The following CTNNA2 variants were observed in gnomAD, a reference collection of about 807,000 sequenced individuals.
CTNNA2 encodes catenin alpha-2.
CTNNA2 carries 42 observed loss-of-function variants against 101.0 expected under a neutral mutation model. That is an observed-to-expected ratio of 0.42 (90% CI 0.32 to 0.54). The LOEUF is 0.54. Among genes scored for constraint, CTNNA2 ranks in the 20% least tolerant of loss-of-function variants. The pLI, the probability that CTNNA2 is intolerant of heterozygous loss-of-function variation, is 0.14. For missense variants in CTNNA2, 871 were observed against 1,223.1 expected, an observed-to-expected ratio of 0.71 and a Z score of 4.29; for synonymous variants, 450 against 456.4, an observed-to-expected ratio of 0.99 and a Z score of 0.18.
intron 7 of CTNNA2, among the ~76,000 whole-genome samples, chr2:79,967,077 T>G (rs981715108): frequency 1.3e-5 from 2 of 151,008 alleles, no homozygotes; most frequent in Non-Finnish European, 2.9e-5. Flanking sequence ...AGCCCTGACT[T>G]CTCTGTGCTC....
intron 9 of CTNNA2, among the ~76,000 whole-genome samples, chr2:80,425,386 A>G (rs1680901891): frequency 6.6e-6 from 1 of 152,148 alleles, no homozygotes; most frequent in African/African-American, 2.4e-5. Context: ...TTTGCGACTT[A>G]CATACCTCAA....
intron 3 of CTNNA2, among the ~76,000 whole-genome samples, chr2:79,806,092 TTTAG>T (rs1428154763): frequency 2.0e-5 from 3 of 152,172 alleles, no homozygotes; most frequent in South Asian, 2.1e-4. Flanking sequence ...TCTCAAACTC[TTTAG>T]TTAGTTATAC....
intron 9 of CTNNA2, among the ~76,000 whole-genome samples, chr2:80,536,827 C>G (rs115627628): frequency 0.019 from 2,858 of 152,272 alleles, 85 homozygotes; most frequent in African/African-American, 0.065. Flanking sequence ...CTGAATTGTA[C>G]AGCCACGATG....
At chr2:79,582,947 G>C (rs1357914750) in intron 1 of CTNNA2, among the ~76,000 whole-genome samples, 1 of 151,950 alleles carries the variant, frequency 6.6e-6, no homozygotes, top group East Asian at 1.9e-4. Context: ...GTAGTTTTGT[G>C]TATCTCTTCC....
Position 80,571,712 on chromosome 2 carries a change from C to T in CTNNA2, c.1742-2451C>T, listed in dbSNP as rs555869099. ...ATTCACTTTAATATATTGACTGTCC[C>T]CTGACTCACATCCCTAAGTCTGTTT... On this transcript the variant is annotated intron_variant, in intron 12 of 18. Coordinates refer to ENST00000402739, the MANE Select transcript of CTNNA2 (RefSeq NM_001282597.3). Among the ~76,000 whole-genome samples the T allele has an allele frequency of 3.9e-5, 6 of 152,210 alleles. No homozygotes were observed. In the South Asian group the frequency reaches 1.2e-3, roughly 32 times the overall value.
At chr2:79,836,374 T>G (rs2103814294) in intron 3 of CTNNA2, among the ~76,000 whole-genome samples, 1 of 152,314 alleles carries the variant, frequency 6.6e-6, no homozygotes, top group South Asian at 2.1e-4. Flanking sequence ...GGCTGAATTA[T>G]TTTTCAGTGC....
chr2:79,635,985 G>C (rs1181649945), intron 1 of CTNNA2, among the ~76,000 whole-genome samples: 1 of 151,060 alleles, frequency 6.6e-6, no homozygotes, highest in Admixed American at 6.6e-5. Flanking sequence ...TGGGGGGCCG[G>C]GTGCGGTGGC....
At chr2:80,382,454 T>G (rs1005042860) in intron 7 of CTNNA2, among the ~76,000 whole-genome samples, 9 of 152,210 alleles carry the variant, frequency 5.9e-5, no homozygotes, top group African/African-American at 2.2e-4. Context: ...CATCGGAAAT[T>G]CAATTAACAA....
At chr2:79,597,378 A>G (rs1336925599) in intron 1 of CTNNA2, among the ~76,000 whole-genome samples, 3 of 151,634 alleles carry the variant, frequency 2.0e-5, no homozygotes, top group Middle Eastern at 3.2e-3. Flanking sequence ...AGGCTGAGTC[A>G]GGAGAATGGT....
At chr2:80,418,564 T>G (rs1301879753) in intron 8 of CTNNA2, among the ~76,000 whole-genome samples, 1 of 152,224 alleles carries the variant, frequency 6.6e-6, no homozygotes, top group Non-Finnish European at 1.5e-5. Flanking sequence ...GATTTGTTCT[T>G]AATTTTCCTT....
At chr2:80,090,886 T>A (rs1297905086) in intron 7 of CTNNA2, among the ~76,000 whole-genome samples, 2 of 152,124 alleles carry the variant, frequency 1.3e-5, no homozygotes, top group Non-Finnish European at 2.9e-5. Flanking sequence ...TCTCATTTTT[T>A]TTACATTGGA....
At chr2:79,563,125 A>G (rs1418300891) in intron 1 of CTNNA2, among the ~76,000 whole-genome samples, 1 of 149,300 alleles carries the variant, frequency 6.7e-6, no homozygotes, top group Non-Finnish European at 1.5e-5. Context: ...TTTGTTAGGC[A>G]TTTGGAAAAA....
chr2:79,476,242 A>C (rs1354201712), intron 4 of CTNNA2, among the ~76,000 whole-genome samples: 3 of 152,136 alleles, frequency 2.0e-5, no homozygotes, highest in Non-Finnish European at 4.4e-5. Flanking sequence ...CTGAGAACAG[A>C]AGCTCAGCTC....
At chr2:80,625,193 A>T (rs1671556389) in intron 18 of CTNNA2, among the ~76,000 whole-genome samples, 1 of 152,060 alleles carries the variant, frequency 6.6e-6, no homozygotes, top group Non-Finnish European at 1.5e-5. Flanking sequence ...ACTGGGCAAC[A>T]TTCTTAACCT....
At chr2:80,215,605 C>G (rs1708213856) in intron 7 of CTNNA2, among the ~76,000 whole-genome samples, 1 of 152,158 alleles carries the variant, frequency 6.6e-6, no homozygotes, top group African/African-American at 2.4e-5. Context: ...ATGTTGCTGC[C>G]TGATCCTTCC....
At chr2:79,856,719 T>G (rs1166254351) in intron 3 of CTNNA2, among the ~76,000 whole-genome samples, 1 of 152,182 alleles carries the variant, frequency 6.6e-6, no homozygotes, top group African/African-American at 2.4e-5. Flanking sequence ...CTGACTCTTG[T>G]ATCGTGTCAG....
At chr2:79,241,884 ATTTTC>A (rs3979579) in intron 2 of CTNNA2, among the ~76,000 whole-genome samples, 64,054 of 149,054 alleles carry the variant, frequency 0.43, 14,360 homozygotes, top group Non-Finnish European at 0.48. Context: ...ACATTTGGGT[ATTTTC>A]TTTTCTTTTC....
intron 3 of CTNNA2, among the ~76,000 whole-genome samples, chr2:79,775,302 C>T (rs1278363678): frequency 6.6e-6 from 1 of 152,028 alleles, no homozygotes; most frequent in Non-Finnish European, 1.5e-5. Flanking sequence ...TTTTAATTTT[C>T]TCTCTATTTT....
intron 7 of CTNNA2, among the ~76,000 whole-genome samples, chr2:80,037,185 A>G (rs1695721744): frequency 6.6e-6 from 1 of 152,194 alleles, no homozygotes; most frequent in Non-Finnish European, 1.5e-5. Context: ...GTGAGGGAAT[A>G]TGGGTCACAA....
Sources: gnomAD v4.1 joint callset for allele counts (sites outside exome capture counted in the v4.1 genomes callset) on GRCh38, gnomAD v4.1.1 for gene constraint, MANE v1.5 for transcripts, NCBI Gene and HGNC (gene_info 2026-07-23, HGNC 2026-07-21) for gene names.